POLD3: variants seen among roughly 807,000 people sequenced by gnomAD.
The protein encoded by POLD3 is DNA polymerase delta subunit 3.
POLD3 carries 19 observed loss-of-function variants against 58.2 expected under a neutral mutation model. The observed-to-expected ratio is 0.33, with a 90% CI of 0.23 to 0.48. The LOEUF (loss-of-function observed/expected upper bound fraction) is 0.48, where lower values mean the gene tolerates loss of function less well. Among genes scored for constraint, POLD3 ranks in the 20% least tolerant of loss-of-function variants. The pLI, the probability that POLD3 is intolerant of heterozygous loss-of-function variation, is 0.99. For missense variants in POLD3, 504 were observed against 545.5 expected (o/e 0.92, Z 0.76); for synonymous variants, 172 against 193.5 (o/e 0.89, Z 0.92).
intron 3 of POLD3, among the ~76,000 whole-genome samples, chr11:74,609,372 A>ATATATTTTTTTTTTTTTT (rs2031821525): frequency 3.7e-5 from 1 of 27,210 alleles, no homozygotes; most frequent in Admixed American, 5.1e-4. Flanking sequence ...ATATATATAT[A>ATATATTTTTTTTTTTTTT]TTTTTTTTTT....
chr11:74,665,140 AAATAAAAAT>A (rs1389630029), intron 4 of POLD3, among the ~76,000 whole-genome samples: 2 of 139,318 alleles, frequency 1.4e-5, no homozygotes, highest in African/African-American at 2.8e-5. Flanking sequence ...ATAAATAATA[AAATAAAAAT>A]AAATAAATAA....
At chr11:74,637,425 C>CTTT (rs1565128315) in intron 11 of POLD3, among the ~76,000 whole-genome samples, 6 of 95,888 alleles carry the variant, frequency 6.3e-5, no homozygotes, top group South Asian at 3.5e-4. Flanking sequence ...TTTTTTTTTT[C>CTTT]TTTTTCTTCC....
intron 3 of POLD3, among the ~76,000 whole-genome samples, chr11:74,605,936 T>C (rs2031659662): frequency 6.6e-6 from 1 of 152,066 alleles, no homozygotes; most frequent in South Asian, 2.1e-4. Flanking sequence ...ATACAAAAAT[T>C]AGCCAGGCAT....
chr11:74,600,138 G>T (rs1449221895), intron 2 of POLD3, among the ~76,000 whole-genome samples: 1 of 151,642 alleles, frequency 6.6e-6, no homozygotes, highest in East Asian at 1.9e-4. Flanking sequence ...GTAGAGATGG[G>T]GTTTCACCAT....
chr11:74,605,571 C>G (rs2031646980), intron 3 of POLD3, among the ~76,000 whole-genome samples: 1 of 152,130 alleles, frequency 6.6e-6, no homozygotes, highest in Non-Finnish European at 1.5e-5. Flanking sequence ...CATACCTCTT[C>G]TGTTCTCACT....
At chr11:74,599,530 A>T (rs2031407337) in intron 2 of POLD3, among the ~76,000 whole-genome samples, 1 of 151,160 alleles carries the variant, frequency 6.6e-6, no homozygotes, top group African/African-American at 2.4e-5. Flanking sequence ...CGCCTGGCTA[A>T]TTTTTGTATT....
rs1421315033 is a variant in POLD3, at chr11:74,642,134, C to G, written c.*1368C>G. ...TGTATGTCGTAAGTGATGCAATCAG[C>G]TGTCTGCTTTTTAAGGTTGGGATTG... On this transcript the variant is annotated 3_prime_UTR_variant, in exon 12 of 12. Transcript: ENST00000263681. 2.0e-6 allele frequency: 2 copies of G among 985,292 alleles called. No individual in the cohort carries two copies. Among genetic ancestry groups the G allele is most frequent in the East Asian group, 2.3e-4 (2 of 8,826 alleles). The allele number at this position is 985,292 out of a possible 1,614,324, so 61.0% of individuals were successfully genotyped here.
chr11:74,648,436 C>T (rs1209342818), intron 4 of POLD3, among the ~76,000 whole-genome samples: 1 of 152,120 alleles, frequency 6.6e-6, no homozygotes, highest in Non-Finnish European at 1.5e-5. Context: ...GGTGTGTGTC[C>T]ATAGGTCAGT....
chr11:74,638,599 A>G (rs2032823360), intron 11 of POLD3: 5 of 455,756 alleles, frequency 1.1e-5, no homozygotes, highest in South Asian at 4.7e-5. Flanking sequence ...ATTTTGTCCC[A>G]TTAATTCAGT....
chr11:74,609,345 GATATATATATAT>G (rs1227959905), intron 3 of POLD3, among the ~76,000 whole-genome samples: 5 of 42,654 alleles, frequency 1.2e-4, no homozygotes, highest in East Asian at 7.0e-4. Flanking sequence ...CATTGTTTTT[GATATATATATAT>G]ATATATATAT....
At chr11:74,638,613 A>G (rs1317977632) in intron 11 of POLD3, 2 of 456,118 alleles carry the variant, frequency 4.4e-6, no homozygotes, top group Admixed American at 2.3e-5. Context: ...ATTCAGTTAC[A>G]TAATGCTTTT....
chr11:74,627,365 G>T (rs1172861433), intron 8 of POLD3, among the ~76,000 whole-genome samples: 3 of 152,170 alleles, frequency 2.0e-5, no homozygotes, highest in Admixed American at 6.5e-5. Context: ...TTTTTGTACA[G>T]CTGTACAATT....
chr11:74,649,825 T>A (rs919414939), intron 4 of POLD3, among the ~76,000 whole-genome samples: 2 of 152,102 alleles, frequency 1.3e-5, no homozygotes, highest in African/African-American at 4.8e-5. Context: ...CTGGCCAACA[T>A]GGTGAAACCC....
intron 5 of POLD3, among the ~76,000 whole-genome samples, chr11:74,617,817 C>T (rs1162844349): frequency 6.6e-6 from 1 of 152,204 alleles, no homozygotes; most frequent in Non-Finnish European, 1.5e-5. Flanking sequence ...CTCCTGGATT[C>T]AGGTGATCCT....
At chr11:74,632,877 TACACACACACACACACAC>T (rs71036003) in intron 9 of POLD3, among the ~76,000 whole-genome samples, 37,669 of 115,654 alleles carry the variant, frequency 0.33, 5,809 homozygotes, top group Non-Finnish European at 0.36. Context: ...TTTAAGTAAA[TACACACACACACACACAC>T]ACACACACAC....
intron 3 of POLD3, among the ~76,000 whole-genome samples, chr11:74,609,370 A>ATTTTTTTTTTTTTTTTT (rs1207908706): frequency 5.5e-5 from 1 of 18,118 alleles, no homozygotes; most frequent in African/African-American, 2.9e-4. Context: ...ATATATATAT[A>ATTTTTTTTTTTTTTTTT]TATTTTTTTT....
chr11:74,638,758 T>C (rs2032829090), intron 11 of POLD3: 1 of 446,658 alleles, frequency 2.2e-6, no homozygotes, highest in South Asian at 1.6e-5. Flanking sequence ...TTGAAGATCT[T>C]GCTAAAATTG....
chr11:74,653,636 G>A (rs973937749), intron 4 of POLD3, among the ~76,000 whole-genome samples: 1 of 152,036 alleles, frequency 6.6e-6, no homozygotes, highest in African/African-American at 2.4e-5. Context: ...AGGAAAAAAA[G>A]GACAAAGAAT....
chr11:74,613,490 G>A (rs902253740), intron 5 of POLD3, among the ~76,000 whole-genome samples: 1 of 152,056 alleles, frequency 6.6e-6, no homozygotes, highest in East Asian at 1.9e-4. Flanking sequence ...TATAATGCGT[G>A]TACATTTTGG....
Sources: allele counts gnomAD v4.1 joint callset (sites outside exome capture counted in the v4.1 genomes callset), GRCh38; gene constraint gnomAD v4.1.1; transcripts MANE v1.5; gene names NCBI Gene and HGNC (gene_info 2026-07-23, HGNC 2026-07-21).